Variants in GPD1L observed in about 807,000 individuals in gnomAD.
GPD1L encodes glycerol-3-phosphate dehydrogenase 1-like protein.
Under a neutral mutation model 32.9 loss-of-function variants are expected in GPD1L, and 17 were observed. The ratio of observed to expected loss-of-function variants is 0.52; its 90% CI spans 0.35 to 0.78. The LOEUF is 0.78. GPD1L is among the 30% of genes least tolerant of loss of function. The pLI, the probability that GPD1L is intolerant of heterozygous loss-of-function variation, is 0.01. For synonymous variants in GPD1L, 187 were observed against 165.9 expected (o/e 1.13, Z -0.98); for missense variants, 361 against 447.8 (o/e 0.81, Z 1.75).
At chr3:32,111,835 G>A (rs1029087165) in intron 1 of GPD1L, among the ~76,000 whole-genome samples, 22 of 148,080 alleles carry the variant, frequency 1.5e-4, no homozygotes, top group Middle Eastern at 3.4e-3. Flanking sequence ...TTTTTGGTCT[G>A]CTGGAACTGG....
At chr3:32,143,897 G>T (rs1700784030) in intron 4 of GPD1L, among the ~76,000 whole-genome samples, 1 of 152,114 alleles carries the variant, frequency 6.6e-6, no homozygotes, top group Admixed American at 6.5e-5. Context: ...TGAGAGGATT[G>T]CTTCAGCGTG....
chr3:32,111,866 G>A (rs911931235), intron 1 of GPD1L, among the ~76,000 whole-genome samples: 10 of 150,194 alleles, frequency 6.7e-5, no homozygotes, highest in Non-Finnish European at 1.5e-4. Context: ...CATCCTGGCT[G>A]TTCATCCGCC....
At position 32,158,895 on chromosome 3, in the gene GPD1L, C is replaced by G. The variant is rs762654723; in HGVS notation, c.638C>G (p.Ala213Gly). The change falls in exon 6 of 8, where the codon GCT becomes GGT. Residue 213 changes from alanine to glycine, a missense_variant. Coordinates refer to ENST00000282541, the MANE Select transcript of GPD1L (RefSeq NM_015141.4). ...TTGCAGAACATCGTAGCTGTGGGAG[C>G]TGGGTTCTGCGACGGCCTCCGCTGT... ...GALKNIVAVGAGFCDGLRCGD... is the reference protein window; with the variant it reads ...GALKNIVAVGGGFCDGLRCGD... 1 of 1,614,060 alleles carries G rather than the reference C, an allele frequency of 6.2e-7. No individual in the cohort carries two copies. The highest frequency in any genetic ancestry group is 8.5e-7 in the Non-Finnish European group (1 of 1,180,008).
chr3:32,140,504 G>A (rs1398781708), intron 4 of GPD1L, 138 bp downstream of exon 4: 5 of 998,406 alleles, frequency 5.0e-6, no homozygotes, highest in East Asian at 2.5e-5. Context: ...TCAGTGGGGC[G>A]AGGGTTTTAC....
chr3:32,131,130 A>C (rs1266238241), intron 2 of GPD1L, among the ~76,000 whole-genome samples: 1 of 152,076 alleles, frequency 6.6e-6, no homozygotes, highest in Non-Finnish European at 1.5e-5. Context: ...TTTGGAGCTC[A>C]TCAAGGTAGA....
chr3:32,143,398 T>C (rs559462347), intron 4 of GPD1L, among the ~76,000 whole-genome samples: 2 of 152,256 alleles, frequency 1.3e-5, no homozygotes, highest in African/African-American at 4.8e-5. Flanking sequence ...GCCTATAACC[T>C]GAATTTAATC....
intron 5 of GPD1L, among the ~76,000 whole-genome samples, chr3:32,149,464 G>A (rs760348972): frequency 4.6e-5 from 7 of 152,120 alleles, no homozygotes; most frequent in Non-Finnish European, 1.0e-4. Flanking sequence ...AAAATGTGGA[G>A]CATTTGACTT....
rs757152405 is a variant in GPD1L, at chr3:32,159,617, G to C, written c.902G>C (p.Gly301Ala). ...ATGCTGAATGGGCAAAAGCTCCAAG[G>C]ACCGCAGACTTCTGCTGAAGTGTAC... ...KEMLNGQKLQ[G>A]PQTSAEVYRI... Residue 301 changes from glycine to alanine, a missense_variant, in exon 7 of 8, where the codon GGA becomes GCA. Gly to Ala is a moderately conservative substitution (Grantham distance 60, BLOSUM62 0). Transcript: ENST00000282541. 1 of 1,613,168 alleles carries C rather than the reference G, an allele frequency of 6.2e-7. No homozygotes were observed. The highest frequency in any genetic ancestry group is 8.5e-7 in the Non-Finnish European group (1 of 1,179,538).
At chr3:32,114,506 G>C (rs1393325090) in intron 1 of GPD1L, among the ~76,000 whole-genome samples, 2 of 152,190 alleles carry the variant, frequency 1.3e-5, no homozygotes, top group East Asian at 1.9e-4. Flanking sequence ...AGAAACAAAT[G>C]TTTCACAGTA....
intron 5 of GPD1L, among the ~76,000 whole-genome samples, chr3:32,150,713 C>T (rs1049400272): frequency 6.6e-6 from 1 of 152,120 alleles, no homozygotes; most frequent in Non-Finnish European, 1.5e-5. Flanking sequence ...AGCTGGCCAA[C>T]AGATGTATTA....
At chr3:32,163,325 C>T (rs7612443) in intron 7 of GPD1L, among the ~76,000 whole-genome samples, 7 of 151,512 alleles carry the variant, frequency 4.6e-5, no homozygotes, top group Non-Finnish European at 1.0e-4. Context: ...CCCGCCACCA[C>T]GCCCAGCTAA....
At chr3:32,124,151 C>T (rs141521455) in intron 1 of GPD1L, among the ~76,000 whole-genome samples, 3 of 152,206 alleles carry the variant, frequency 2.0e-5, no homozygotes, top group East Asian at 1.9e-4. Context: ...CTGCAACCTC[C>T]GCCTCCTGAG....
chr3:32,160,629 G>A (rs1701062740), intron 7 of GPD1L, among the ~76,000 whole-genome samples: 1 of 149,940 alleles, frequency 6.7e-6, no homozygotes, highest in African/African-American at 2.5e-5. Context: ...TGGGTGAGTG[G>A]ATGGGTGGGA....
chr3:32,159,180 G>GTTCAC, intron 6 of GPD1L, 71 bp downstream of exon 6: 1 of 1,125,244 alleles, frequency 8.9e-7, no homozygotes, highest in Non-Finnish European at 1.3e-6. Flanking sequence ...GTGAACTGCA[G>GTTCAC]CCCAGTGGAG....
intron 1 of GPD1L, among the ~76,000 whole-genome samples, chr3:32,114,438 C>T (rs572217104): frequency 6.6e-6 from 1 of 152,192 alleles, no homozygotes; most frequent in Non-Finnish European, 1.5e-5. Flanking sequence ...AATTTTTTGA[C>T]TTGCAACTAG....
intron 1 of GPD1L, among the ~76,000 whole-genome samples, chr3:32,111,562 T>A (rs1407280121): frequency 6.6e-6 from 1 of 152,188 alleles, no homozygotes; most frequent in Non-Finnish European, 1.5e-5. Flanking sequence ...TCATCCTTGA[T>A]GGACCTGTCA....
At chr3:32,138,870 C>A (rs1049236893) in intron 3 of GPD1L, 143 bp downstream of exon 3, 7 of 840,640 alleles carry the variant, frequency 8.3e-6, no homozygotes, top group African/African-American at 3.4e-5. Context: ...GCTCAAAAGT[C>A]ATAAAAAAAA....
At chr3:32,110,347 T>C (rs148131946) in intron 1 of GPD1L, among the ~76,000 whole-genome samples, 1 of 152,372 alleles carries the variant, frequency 6.6e-6, no homozygotes, top group East Asian at 1.9e-4. Context: ...CTTTTGCCAA[T>C]TTTAATACAG....
chr3:32,138,879 A>T, intron 3 of GPD1L, 152 bp downstream of exon 3: 2 of 803,958 alleles, frequency 2.5e-6, no homozygotes, highest in East Asian at 2.7e-5. Flanking sequence ...TCATAAAAAA[A>T]ATAAGACTAG....
Sources: allele counts gnomAD v4.1 joint callset (sites outside exome capture counted in the v4.1 genomes callset), GRCh38; gene constraint gnomAD v4.1.1; transcripts MANE v1.5; gene names NCBI Gene and HGNC (gene_info 2026-07-23, HGNC 2026-07-21).